RABEP1: variants seen among roughly 807,000 people sequenced by gnomAD.
RABEP1 encodes the protein rabaptin, RAB GTPase binding effector protein 1.
RABEP1 carries 51 observed loss-of-function variants against 123.4 expected under a neutral mutation model. That is an observed-to-expected ratio of 0.41 (90% CI 0.33 to 0.52). The LOEUF (loss-of-function observed/expected upper bound fraction) is 0.52, where lower values mean the gene tolerates loss of function less well. RABEP1 is among the 20% of genes least tolerant of loss of function. The pLI is 0.16. For missense variants in RABEP1, 888 were observed against 996.3 expected (o/e 0.89, Z 1.46); for synonymous variants, 347 against 355.2 (o/e 0.98, Z 0.26).
intron 2 of RABEP1, among the ~76,000 whole-genome samples, chr17:5,309,361 A>C (rs2075212448): frequency 6.6e-6 from 1 of 152,112 alleles, no homozygotes; most frequent in Non-Finnish European, 1.5e-5. Flanking sequence ...TAAAACAGGA[A>C]ATTGCAGGCT....
At chr17:5,283,038 G>A (rs1392767408) in intron 1 of RABEP1, among the ~76,000 whole-genome samples, 1 of 152,024 alleles carries the variant, frequency 6.6e-6, no homozygotes, top group African/African-American at 2.4e-5. Flanking sequence ...GTGGCTTAAT[G>A]GTTAAGTGTT....
At chr17:5,343,670 C>CTTTTTTTTTTTTTTTT (rs753410845) in intron 5 of RABEP1, among the ~76,000 whole-genome samples, 8 of 99,948 alleles carry the variant, frequency 8.0e-5, no homozygotes, top group African/African-American at 2.3e-4. Context: ...TTTCTTTTCT[C>CTTTTTTTTTTTTTTTT]TTTTTTTTTT....
chr17:5,373,406 T>C lies in RABEP1; in HGVS notation c.1977T>C (p.His659=). ...GTCTCCAGGGAAAGCACAGCCTGCATGTGTCATTACAGCAAGCAGAAGACT... is the reference window on the plus strand; with the variant it reads ...GTCTCCAGGGAAAGCACAGCCTGCACGTGTCATTACAGCAAGCAGAAGACT... The part of the protein sequence containing the change: ...NDSLQGKHSL[H]VSLQQAEDFI... Residue 659 remains histidine, a synonymous_variant, in exon 13 of 18, where the codon CAT becomes CAC. Transcript: ENST00000537505. 2 of 1,613,300 alleles carry C rather than the reference T, an allele frequency of 1.2e-6. No individual in the cohort carries two copies. Among genetic ancestry groups the C allele is most frequent in the Non-Finnish European group, 1.7e-6 (2 of 1,179,882 alleles).
intron 13 of RABEP1, among the ~76,000 whole-genome samples, chr17:5,375,157 T>G (rs563903049): frequency 2.9e-4 from 44 of 151,878 alleles, no homozygotes; most frequent in African/African-American, 1.1e-3. Context: ...TTTCCCCTAA[T>G]TATACCCTAC....
At chr17:5,367,805 G>C in intron 11 of RABEP1, among the ~76,000 whole-genome samples, 1 of 150,158 alleles carries the variant, frequency 6.7e-6, no homozygotes, top group Non-Finnish European at 1.5e-5. Flanking sequence ...GCCCAGGCTA[G>C]AGTACAGGGT....
chr17:5,331,587 A>G (rs1369917377), intron 2 of RABEP1, among the ~76,000 whole-genome samples: 1 of 152,162 alleles, frequency 6.6e-6, no homozygotes, highest in African/African-American at 2.4e-5. Flanking sequence ...GTGGAAGGTA[A>G]TGTACTAATT....
In RABEP1 at chr17:5,299,986, C is replaced by A. The variant is rs1042419511; in HGVS notation, c.35-8708C>A. Among the ~76,000 whole-genome samples, 13 of 151,962 alleles carry A rather than the reference C, an allele frequency of 8.6e-5. No individual in the cohort carries two copies. In the South Asian group the frequency reaches 2.7e-3, roughly 32 times the overall value. On this transcript the variant is annotated intron_variant, in intron 1 of 17. Transcript: ENST00000537505. ...CTCATGATCTGCCCACCTCGGCCTC[C>A]CAAAGTGCTGTGATTACAGGCATCA...
chr17:5,300,493 T>C (rs1487296899), intron 1 of RABEP1, among the ~76,000 whole-genome samples: 1 of 152,140 alleles, frequency 6.6e-6, no homozygotes, highest in African/African-American at 2.4e-5. Flanking sequence ...GTAGTATTGG[T>C]CAAGTTTCTC....
Position 5,385,968 on chromosome 17 carries a change from TG to T in RABEP1, c.*2746del, listed in dbSNP as rs1324392783. The stretch of plus-strand genomic sequence containing the variant: ...TCAGGGAGGTTCTGGCAGTGTGCAG[TG>T]TGAAATAATCCTGAGTCCTTGCTGA... On this transcript the variant is annotated 3_prime_UTR_variant, in exon 18 of 18. Transcript: ENST00000537505. 1 of 467,702 alleles carries T rather than the reference TG, an allele frequency of 2.1e-6. No homozygotes were observed. Among genetic ancestry groups the T allele is most frequent in the Non-Finnish European group, 3.7e-6 (1 of 267,456 alleles). The allele number at this position is 467,702 out of a possible 1,614,324, so 29.0% of individuals were successfully genotyped here.
At chr17:5,326,119 TTTGATTCAGCAGTCATGCTCC>T (rs1162603359) in intron 2 of RABEP1, among the ~76,000 whole-genome samples, 1 of 152,232 alleles carries the variant, frequency 6.6e-6, no homozygotes, top group Non-Finnish European at 1.5e-5. Flanking sequence ...ACTCTTGCCT[TTTGATTCAGCAGTCATGCTCC>T]TTGGTATGCA....
Position 5,380,388 on chromosome 17 carries a change from T to G in RABEP1, c.2296T>G (p.Ser766Ala). 6.4e-7 allele frequency: 1 copy of G among 1,571,594 alleles called. No homozygotes were observed. Among genetic ancestry groups the G allele is most frequent in the Non-Finnish European group, 8.6e-7 (1 of 1,157,138 alleles). The change falls in exon 16 of 18, where the codon TCT (serine) becomes GCT (alanine). Residue 766 changes from serine (S) to alanine (A), a missense_variant. Physicochemically the swap from Ser to Ala is moderately conservative, Grantham distance 99. Transcript: ENST00000537505. ...GTTGGAGTCCACATTAAGAGAGAAGTCTCAACAGCTTGAGAGTCTTCAGGA... is the reference window on the plus strand; with the variant it reads ...GTTGGAGTCCACATTAAGAGAGAAGGCTCAACAGCTTGAGAGTCTTCAGGA... Reference protein sequence around the residue: ...GQLESTLREKSQQLESLQEIK... With the variant: ...GQLESTLREKAQQLESLQEIK...
At chr17:5,323,002 G>A (rs760400387) in intron 2 of RABEP1, among the ~76,000 whole-genome samples, 21 of 152,142 alleles carry the variant, frequency 1.4e-4, no homozygotes, top group Non-Finnish European at 2.2e-4. Flanking sequence ...CTTGAACCTG[G>A]GAGATGGTGT....
chr17:5,374,517 A>T (rs996696866), intron 13 of RABEP1, among the ~76,000 whole-genome samples: 1 of 151,024 alleles, frequency 6.6e-6, no homozygotes, highest in South Asian at 2.1e-4. Context: ...GCTCACTGCA[A>T]CCTCCGCCTC....
Position 5,338,154 on chromosome 17 carries a change from A to T in RABEP1, c.648+16A>T, listed in dbSNP as rs1597368413. ...GGCCTCAAAGGTTATGAAACATTGT[A>T]ATCCATTTGCTTGAAACCCAAGTTT... On this transcript the variant is annotated intron_variant, in intron 5 of 17. Transcript: ENST00000537505. 4 of 1,603,890 alleles carry T rather than the reference A, an allele frequency of 2.5e-6. No homozygotes were observed. The South Asian group carries it at 4.5e-5, about 18-fold the overall frequency.
At chr17:5,297,229 A>G (rs2075091787) in intron 1 of RABEP1, among the ~76,000 whole-genome samples, 1 of 152,206 alleles carries the variant, frequency 6.6e-6, no homozygotes, top group Non-Finnish European at 1.5e-5. Context: ...AAAATGCTTT[A>G]GGATACCCCC....
intron 12 of RABEP1, among the ~76,000 whole-genome samples, chr17:5,370,533 ACT>A (rs1567550172): frequency 1.3e-5 from 2 of 151,264 alleles, no homozygotes; most frequent in African/African-American, 4.9e-5. Context: ...ACAGTCTCCC[ACT>A]CTCTTTTTAT....
chr17:5,358,386 C>T (rs1909211204), intron 8 of RABEP1, among the ~76,000 whole-genome samples: 1 of 151,992 alleles, frequency 6.6e-6, no homozygotes, highest in Admixed American at 6.6e-5. Context: ...AAAAGAACTG[C>T]CTGGCCGGGC....
At chr17:5,287,510 A>G (rs1451187799) in intron 1 of RABEP1, among the ~76,000 whole-genome samples, 1 of 147,274 alleles carries the variant, frequency 6.8e-6, no homozygotes, top group Admixed American at 6.9e-5. Context: ...GAGGCAGGAG[A>G]ATTGCTTGAA....
In RABEP1 at chr17:5,379,547, AC is replaced by A. The variant is rs1911279517; in HGVS notation, c.2272-815del. On this transcript the variant is annotated intron_variant, in intron 15 of 17. Coordinates refer to ENST00000537505, the MANE Select transcript of RABEP1 (RefSeq NM_004703.6). ...TGCCTGACTTCCCAGGCATCCCTCC[AC>A]CTGCTGCAGTCTGCCTCCTGCCTCC... Among the ~76,000 whole-genome samples the A allele has an allele frequency of 5.3e-5, 8 of 151,954 alleles. No individual in the cohort carries two copies. The South Asian group carries it at 1.7e-3, about 32-fold the overall frequency.
Sources: gnomAD v4.1 joint callset for allele counts (sites outside exome capture counted in the v4.1 genomes callset) on GRCh38, gnomAD v4.1.1 for gene constraint, MANE v1.5 for transcripts, NCBI Gene and HGNC (gene_info 2026-07-23, HGNC 2026-07-21) for gene names.